Variants in SLC12A7 observed in about 807,000 individuals in gnomAD.
SLC12A7 encodes the protein K-Cl cotransporter 4.
Under a neutral mutation model 120.6 loss-of-function variants are expected in SLC12A7, and 100 were observed. That is an observed-to-expected ratio of 0.83 (90% CI 0.71 to 0.98). SLC12A7 has a LOEUF of 0.98. Ranked by LOEUF, SLC12A7 falls within the 50% of genes least tolerant of loss-of-function variation. The pLI is 0.00. For synonymous variants in SLC12A7, 760 were observed against 678.0 expected (o/e 1.12, Z -1.88); for missense variants, 1,373 against 1,548.1 (o/e 0.89, Z 1.90).
intron 4 of SLC12A7, among the ~76,000 whole-genome samples, chr5:1,088,736 C>T (rs1405336368): frequency 2.0e-5 from 3 of 152,222 alleles, no homozygotes; most frequent in East Asian, 3.9e-4. Flanking sequence ...GGTGCCAGCA[C>T]GCCAGTCAAC....
the SLC12A7 span, among the ~76,000 whole-genome samples, chr5:1,146,496 C>T: frequency 3.3e-5 from 5 of 152,172 alleles, no homozygotes; most frequent in Non-Finnish European, 2.9e-5. This position sits in a 1 kb window ranked among gnomAD's most constrained non-coding sequence, Gnocchi z 6.5. Flanking sequence ...GGCTCCTCCC[C>T]GACCGTCTGG....
chr5:1,074,585 G>C lies in SLC12A7; in HGVS notation c.2054C>G (p.Pro685Arg), dbSNP rs1319156968. 2.0e-5 allele frequency: 33 copies of C among 1,612,474 alleles called. No homozygotes were observed. In the Admixed American group the frequency reaches 4.5e-4, roughly 22 times the overall value. Residue 685 changes from proline (P) to arginine (R), a missense_variant, in exon 16 of 24, where the codon CCC (proline) becomes CGC (arginine). Pro to Arg is a moderately radical substitution (Grantham distance 103). Coordinates refer to ENST00000264930, the MANE Select transcript of SLC12A7 (RefSeq NM_006598.3). ...YALLRVEHGP[P>R]HTKNWRPQVL... The stretch of plus-strand genomic sequence containing the variant: ...TGCTCACCTCCAGTTCTTGGTGTGG[G>C]GGGGACCGTGCTCCACGCGCAGCAG...
Position 1,074,621 on chromosome 5 carries a change from G to C in SLC12A7, c.2018C>G (p.Ala673Gly). The change falls in exon 16 of 24, where the codon GCC becomes GGC. Residue 673 changes from alanine to glycine, a missense_variant. Physicochemically the swap from Ala to Gly is moderately conservative, Grantham distance 60. Coordinates refer to ENST00000264930, the MANE Select transcript of SLC12A7 (RefSeq NM_006598.3). ...DGIRGLSLNAARYALLRVEHG... is the reference protein window; with the variant it reads ...DGIRGLSLNAGRYALLRVEHG... ...CTCCACGCGCAGCAGGGCGTAGCGG[G>C]CGGCGTTCAGGGATAGGCCACGGAT... 1 of 1,612,886 alleles carries C rather than the reference G, an allele frequency of 6.2e-7. No individual in the cohort carries two copies. Among genetic ancestry groups the C allele is most frequent in the South Asian group, 1.1e-5 (1 of 91,082 alleles).
the SLC12A7 span, among the ~76,000 whole-genome samples, chr5:1,149,444 G>A: frequency 6.6e-6 from 1 of 152,114 alleles, no homozygotes; most frequent in Non-Finnish European, 1.5e-5. Flanking sequence ...AGGCGTGGTG[G>A]CAGGTGCCTG....
intron 1 of SLC12A7, among the ~76,000 whole-genome samples, chr5:1,107,261 T>G (rs1292345584): frequency 6.6e-6 from 1 of 152,210 alleles, no homozygotes; most frequent in Non-Finnish European, 1.5e-5. Context: ...AGCCTTAACC[T>G]CGGCAAATAA....
rs776179558 is a variant in SLC12A7 at position 1,065,527 on chromosome 5, GACCCACGCCCACC to G, written c.2242-62_2242-50del. The G allele has an allele frequency of 3.4e-6, 5 of 1,473,960 alleles. No homozygotes were observed. In the Admixed American group the frequency reaches 6.5e-5, roughly 19 times the overall value. The allele number at this position is 1,473,960 out of a possible 1,614,324, so 91.3% of individuals were successfully genotyped here. ...TGCTACAGCAGGAATGGGGTGCACA[GACCCACGCCCACC>G]ACCCACGGTGGCCAGGGCACCCGCA... is the stretch of plus-strand genomic sequence containing the variant. On this transcript the variant is annotated intron_variant, in intron 17 of 23. Transcript: ENST00000264930.
At chr5:1,073,263 C>T (rs576754019) in intron 17 of SLC12A7, among the ~76,000 whole-genome samples, 2 of 135,382 alleles carry the variant, frequency 1.5e-5, no homozygotes, top group African/African-American at 6.6e-5. Flanking sequence ...TATGCAGCCC[C>T]CAGTGAGCCC....
intron 17 of SLC12A7, among the ~76,000 whole-genome samples, chr5:1,069,037 T>C (rs922282491): frequency 1.3e-5 from 2 of 151,918 alleles, no homozygotes; most frequent in African/African-American, 2.4e-5. Flanking sequence ...ACCGTGAACA[T>C]CCCCCCGAAA....
chr5:1,081,901 G>C (rs1274324590), intron 8 of SLC12A7, among the ~76,000 whole-genome samples, 157 bp from the exon 9 acceptor site: 1 of 152,266 alleles, frequency 6.6e-6, no homozygotes, highest in Non-Finnish European at 1.5e-5. Context: ...ACGCTTTCGA[G>C]ATGGTACCTC....
intron 11 of SLC12A7, 56 bp from the exon 12 acceptor site, chr5:1,078,063 C>G: frequency 6.6e-7 from 1 of 1,507,476 alleles, no homozygotes. Context: ...CTGAGTCAGA[C>G]AAAATGTCTT....
intron 11 of SLC12A7, 94 bp from the exon 12 acceptor site, chr5:1,078,101 C>T: frequency 7.1e-7 from 1 of 1,403,602 alleles, no homozygotes; most frequent in South Asian, 1.4e-5. Context: ...GGGCCCAGTG[C>T]AGTGGGGGCG....
At chr5:1,099,964 G>C (rs887407609) in intron 1 of SLC12A7, among the ~76,000 whole-genome samples, 1 of 151,126 alleles carries the variant, frequency 6.6e-6, no homozygotes, top group African/African-American at 2.4e-5. Context: ...GACCGTTACT[G>C]TTATCACTGA....
At chr5:1,108,230 C>CAA (rs1742687070) in intron 1 of SLC12A7, among the ~76,000 whole-genome samples, 1 of 152,392 alleles carries the variant, frequency 6.6e-6, no homozygotes, top group South Asian at 2.1e-4. Context: ...CCATGCTTTA[C>CAA]CGCATGCCTG....
chr5:1,081,054 GGAGACAGAGAGAGAGAGA>G (rs1468601866), intron 9 of SLC12A7, among the ~76,000 whole-genome samples: 1 of 79,146 alleles, frequency 1.3e-5, no homozygotes, highest in East Asian at 4.6e-4. Context: ...GGAAGAAGAG[GGAGACAGAGAGAGAGAGA>G]GAGACAGACA....
At position 1,052,155 on chromosome 5, in the gene SLC12A7, C is replaced by T; in HGVS notation, c.*205G>A. On this transcript the variant is annotated 3_prime_UTR_variant, in exon 24 of 24. Coordinates refer to ENST00000264930, the MANE Select transcript of SLC12A7 (RefSeq NM_006598.3). ...ATGCAAGGAAATCGTCCAGCCACGC[C>T]CTGATTTGCTGAGCCTGTTAAGGCT... The T allele has an allele frequency of 3.4e-6, 2 of 589,890 alleles. No individual in the cohort carries two copies. The highest frequency in any genetic ancestry group is 6.1e-6 in the Non-Finnish European group (2 of 329,820). The allele number at this position is 589,890 out of a possible 1,614,324, so 36.5% of individuals were successfully genotyped here.
chr5:1,060,572 G>A (rs1736077465), intron 20 of SLC12A7, 121 bp from the exon 21 acceptor site: 2 of 685,930 alleles, frequency 2.9e-6, no homozygotes, highest in Non-Finnish European at 5.1e-6. Context: ...CGCGTCCCGG[G>A]CCCCACAGGC....
intron 6 of SLC12A7, 135 bp downstream of exon 6, chr5:1,086,768 A>G: frequency 1.7e-6 from 2 of 1,196,952 alleles, no homozygotes; most frequent in Non-Finnish European, 2.4e-6. Flanking sequence ...AGCCCAGGAG[A>G]GCCCAGGGGC....
rs765065421 is a variant in SLC12A7 at position 1,086,975 on chromosome 5, G to A, written c.603C>T (p.Val201=). The A allele has an allele frequency of 1.6e-5, 26 of 1,612,732 alleles. No homozygotes were observed. The highest frequency in any genetic ancestry group is 6.7e-5 in the East Asian group (3 of 44,896). The change falls in exon 6 of 24, where the codon GTC becomes GTT. Residue 201 remains valine, a synonymous_variant. Coordinates refer to ENST00000264930, the MANE Select transcript of SLC12A7 (RefSeq NM_006598.3). ...TCGTGCCCAGGTAGAAGCAGAGGCC[G>A]ACAGCGCCTCCAAACTCGGGTCCCA... ...RSLGPEFGGA[V]GLCFYLGTTF...
chr5:1,142,419 T>G, the SLC12A7 span, among the ~76,000 whole-genome samples: 1 of 29,304 alleles, frequency 3.4e-5, no homozygotes, highest in Non-Finnish European at 5.8e-5. Flanking sequence ...TCTCCCCTCC[T>G]CACTCTCTCA....
Sources: allele counts gnomAD v4.1 joint callset (sites outside exome capture counted in the v4.1 genomes callset), GRCh38; gene constraint gnomAD v4.1.1; non-coding constraint Gnocchi (gnomAD v3.1); transcripts MANE v1.5; gene names NCBI Gene and HGNC (gene_info 2026-07-23, HGNC 2026-07-21).